COQ8A: variants seen among roughly 807,000 people sequenced by gnomAD.
COQ8A encodes coenzyme Q8A.
A neutral mutation model predicts 65.0 loss-of-function variants in COQ8A; 51 were observed. That is an observed-to-expected ratio of 0.78 (90% CI 0.63 to 0.99). The LOEUF is 0.99. Among genes scored for constraint, COQ8A ranks in the 50% least tolerant of loss-of-function variants. The pLI, the probability that COQ8A is intolerant of heterozygous loss-of-function variation, is 0.00. For synonymous variants in COQ8A, 371 were observed against 353.2 expected, an observed-to-expected ratio of 1.05 and a Z score of -0.57; for missense variants, 940 against 875.0, an observed-to-expected ratio of 1.07 and a Z score of -0.94.
At chr1:226,977,365 G>GT (rs1368298091) in intron 4 of COQ8A, 84 bp from the exon 5 acceptor site, 17 of 1,339,236 alleles carry the variant, frequency 1.3e-5, no homozygotes, top group Admixed American at 9.9e-5. Context: ...TGTCTGTGTG[G>GT]TGCTGCCCCA....
rs118184782 is a variant in COQ8A at position 226,941,380 on chromosome 1, A to G, written c.-10+981A>G. Among the ~76,000 whole-genome samples, 491 of 152,232 alleles carry G rather than the reference A, an allele frequency of 3.2e-3. 16 individuals are homozygous for G. The East Asian group carries it at 0.063, about 19-fold the overall frequency. On this transcript the variant is annotated intron_variant, in intron 1 of 14. Transcript: ENST00000366777. ...TTGTCACGCTGTGGATGGGTAGGTC[A>G]TCCTGGCAGGAGGGCTCTTGGGAGA...
At chr1:226,980,215 T>A (rs1659604232) in intron 5 of COQ8A, among the ~76,000 whole-genome samples, 1 of 152,212 alleles carries the variant, frequency 6.6e-6, no homozygotes, top group African/African-American at 2.4e-5. Flanking sequence ...GGGGGCACAC[T>A]GCCGTAGCCC....
chr1:226,983,924 G>T (rs1021617139), intron 10 of COQ8A, 70 bp downstream of exon 10: 1 of 1,569,216 alleles, frequency 6.4e-7, no homozygotes, highest in African/African-American at 1.4e-5. Context: ...TCAGCAGCTG[G>T]TGAAGGCCCC....
intron 4 of COQ8A, among the ~76,000 whole-genome samples, chr1:226,967,681 T>C (rs1321156608): frequency 1.3e-5 from 2 of 152,180 alleles, no homozygotes; most frequent in African/African-American, 2.4e-5. Context: ...TGGGGGATTA[T>C]GGGTAGCCAG....
chr1:226,975,373 A>G (rs968159995), intron 4 of COQ8A, among the ~76,000 whole-genome samples: 3 of 152,176 alleles, frequency 2.0e-5, no homozygotes, highest in African/African-American at 7.2e-5. Context: ...CGGAGCCGCC[A>G]GCCGCACGGG....
At chr1:226,976,327 C>T (rs1444920900) in intron 4 of COQ8A, among the ~76,000 whole-genome samples, 9 of 147,870 alleles carry the variant, frequency 6.1e-5, no homozygotes, top group Non-Finnish European at 9.0e-5. Flanking sequence ...TGCCGGGCTG[C>T]GGGGCTGCGG....
In COQ8A at chr1:226,961,361, G is replaced by T. The variant is rs368316727; in HGVS notation, c.-9-16G>T. 5 of 1,613,076 alleles carry T rather than the reference G, an allele frequency of 3.1e-6. No individual in the cohort carries two copies. Among genetic ancestry groups the T allele is most frequent in the Non-Finnish European group, 4.2e-6 (5 of 1,179,976 alleles). ...GAGGCCTGGGGCCTCCCCTGACTTG[G>T]CCTCCTCTCTTCCAGCCCTGAAGGA... On this transcript the variant is annotated splice_polypyrimidine_tract_variant and intron_variant, in intron 1 of 14. Transcript: ENST00000366777.
intron 5 of COQ8A, among the ~76,000 whole-genome samples, chr1:226,978,364 C>T (rs556639093): frequency 7.3e-6 from 1 of 137,666 alleles, no homozygotes; most frequent in South Asian, 2.4e-4. Flanking sequence ...CACCCGAACA[C>T]CTCCTTACAC....
At chr1:226,955,485 C>A (rs1346569843) in intron 1 of COQ8A, among the ~76,000 whole-genome samples, 4 of 133,116 alleles carry the variant, frequency 3.0e-5, no homozygotes, top group South Asian at 2.7e-4. Context: ...TCCCTGGCTG[C>A]CACTCTCTCT....
chr1:226,950,652 C>T (rs927055038), intron 1 of COQ8A, among the ~76,000 whole-genome samples: 2 of 152,304 alleles, frequency 1.3e-5, no homozygotes, highest in Admixed American at 1.3e-4. Flanking sequence ...GCAAAAGCAG[C>T]TGTAGTTATC....
At chr1:226,969,128 G>A (rs1252536876) in intron 4 of COQ8A, among the ~76,000 whole-genome samples, 1 of 152,058 alleles carries the variant, frequency 6.6e-6, no homozygotes, top group East Asian at 1.9e-4. Flanking sequence ...ATCTAGTCTG[G>A]TTTATTATTC....
intron 7 of COQ8A, 37 bp from the exon 8 acceptor site, chr1:226,982,857 G>A (rs1433324016): frequency 3.1e-6 from 5 of 1,612,636 alleles, no homozygotes; most frequent in South Asian, 2.2e-5. Context: ...GCCCAGGCAG[G>A]GCATGCTCAG....
intron 4 of COQ8A, among the ~76,000 whole-genome samples, chr1:226,973,912 C>G (rs1011568061): frequency 2.6e-5 from 4 of 152,184 alleles, no homozygotes; most frequent in African/African-American, 9.7e-5. Context: ...TAGAGAAACT[C>G]CCCCGAGCCC....
At chr1:226,984,455 T>A in intron 11 of COQ8A, 93 bp from the exon 12 acceptor site, 1 of 1,348,970 alleles carries the variant, frequency 7.4e-7, no homozygotes. Context: ...GTAGGGTGGG[T>A]AAAACAGGAG....
intron 5 of COQ8A, among the ~76,000 whole-genome samples, chr1:226,981,392 C>G (rs911547311): frequency 6.6e-6 from 1 of 152,380 alleles, no homozygotes; most frequent in Middle Eastern, 3.4e-3. Flanking sequence ...GCCACCTGCA[C>G]CCTTGGGGTC....
At position 226,965,276 on chromosome 1, in the gene COQ8A, T is replaced by C. The variant is rs1483606713; in HGVS notation, c.454T>C (p.Ser152Pro). Residue 152 changes from serine to proline, a missense_variant, in exon 3 of 15, where the codon TCA becomes CCA. Coordinates refer to ENST00000366777, the MANE Select transcript of COQ8A (RefSeq NM_020247.5). ...NGRLFANPRD[S>P]FSAMGFQRRF... ...GAGGCTCTTTGCAAACCCCAGAGAC[T>C]CATTCTCTGCCATGGGCTTTCAGCG... 1 of 1,613,956 alleles carries C rather than the reference T, an allele frequency of 6.2e-7. No homozygotes were observed. Among genetic ancestry groups the C allele is most frequent in the East Asian group, 2.2e-5 (1 of 44,856 alleles).
At chr1:226,950,920 AG>A (rs1657336372) in intron 1 of COQ8A, among the ~76,000 whole-genome samples, 4 of 142,400 alleles carry the variant, frequency 2.8e-5, no homozygotes, top group African/African-American at 1.2e-4. Flanking sequence ...TCCTTAGCCT[AG>A]AAGGCAAGTT....
chr1:226,985,316 G>A lies in COQ8A; in HGVS notation c.1635G>A (p.Lys545=), dbSNP rs1255099221. 6.2e-7 allele frequency: 1 copy of A among 1,613,752 alleles called. No individual in the cohort carries two copies. The highest frequency in any genetic ancestry group is 1.7e-5 in the Admixed American group (1 of 60,030). Residue 545 remains lysine (K), a synonymous_variant, in exon 14 of 15, where the codon AAG becomes AAA. Coordinates refer to ENST00000366777, the MANE Select transcript of COQ8A (RefSeq NM_020247.5). ...ETVRAKSIEM[K]FLTGYEVKVM... ...TGCGGGCGAAATCCATAGAGATGAA[G>A]TTCCTCACCGGCTACGAGGTCAAGG...
intron 10 of COQ8A, 55 bp from the exon 11 acceptor site, chr1:226,984,039 G>T (rs535772887): frequency 5.8e-5 from 88 of 1,521,042 alleles, no homozygotes; most frequent in Admixed American, 4.1e-4. Context: ...GTGTGTGGGG[G>T]GGGGGACGGT....
Sources: gnomAD v4.1 joint callset for allele counts (sites outside exome capture counted in the v4.1 genomes callset) on GRCh38, gnomAD v4.1.1 for gene constraint, MANE v1.5 for transcripts, NCBI Gene and HGNC (gene_info 2026-07-23, HGNC 2026-07-21) for gene names.